Variants in ZFHX3 observed in about 807,000 individuals in gnomAD.
ZFHX3 encodes zinc finger homeobox 3, also known as zinc finger homeobox protein 3.
ZFHX3 carries 42 observed loss-of-function variants against 279.1 expected under a neutral mutation model. The ratio of observed to expected loss-of-function variants is 0.15; its 90% CI spans 0.12 to 0.19. The LOEUF is 0.19. Ranked by LOEUF, ZFHX3 falls within the 10% of genes least tolerant of loss-of-function variation. The pLI is 1.00. For synonymous variants in ZFHX3, 2,293 were observed against 1,957.8 expected (o/e 1.17, Z -4.52); for missense variants, 4,981 against 4,754.0 (o/e 1.05, Z -1.40).
At chr16:73,506,518 T>C (rs1055912845) in intron 2 of ZFHX3, among the ~76,000 whole-genome samples, 5 of 152,162 alleles carry the variant, frequency 3.3e-5, no homozygotes, top group African/African-American at 7.2e-5. Context: ...ACAAAGTTCA[T>C]GTATATTAGC....
chr16:73,057,630 C>T (rs550663711), intron 1 of ZFHX3, among the ~76,000 whole-genome samples: 2 of 151,896 alleles, frequency 1.3e-5, no homozygotes, highest in East Asian at 3.9e-4. Flanking sequence ...AGAAGGCCGG[C>T]CGGGCGAGGT....
At chr16:72,945,632 A>G (rs1960627405) in intron 3 of ZFHX3, among the ~76,000 whole-genome samples, 1 of 152,188 alleles carries the variant, frequency 6.6e-6, no homozygotes, top group Non-Finnish European at 1.5e-5. Context: ...GCATCAAGGT[A>G]GGGAGAGAAG....
chr16:73,029,653 C>T (rs1964624705), intron 1 of ZFHX3, among the ~76,000 whole-genome samples: 2 of 152,168 alleles, frequency 1.3e-5, no homozygotes, highest in Admixed American at 6.5e-5. Flanking sequence ...AAGAGCTTAT[C>T]GGACAAACGA....
At chr16:73,842,788 C>A (rs1057329011) in intron 1 of ZFHX3, among the ~76,000 whole-genome samples, 4 of 152,180 alleles carry the variant, frequency 2.6e-5, no homozygotes, top group East Asian at 1.9e-4. Flanking sequence ...AGGGTAGATA[C>A]CCGACTTTGT....
chr16:73,598,583 A>G (rs1018756961), intron 2 of ZFHX3, among the ~76,000 whole-genome samples: 1 of 151,464 alleles, frequency 6.6e-6, no homozygotes, highest in Admixed American at 6.6e-5. Context: ...ACGCCCGACC[A>G]ATTTTTAAAA....
At chr16:73,795,130 C>G (rs1959953849) in intron 1 of ZFHX3, among the ~76,000 whole-genome samples, 1 of 152,168 alleles carries the variant, frequency 6.6e-6, no homozygotes, top group South Asian at 2.1e-4. Context: ...GCCAAAGGAG[C>G]AGTAGTACAC....
chr16:72,872,033 C>T (rs1033378561), intron 4 of ZFHX3, among the ~76,000 whole-genome samples: 8 of 151,750 alleles, frequency 5.3e-5, no homozygotes, highest in Non-Finnish European at 8.8e-5. Flanking sequence ...TGCAGTTAGC[C>T]GAGATCCTGC....
chr16:72,972,156 G>C (rs1962134112), intron 1 of ZFHX3, among the ~76,000 whole-genome samples: 1 of 152,148 alleles, frequency 6.6e-6, no homozygotes, highest in Non-Finnish European at 1.5e-5. Context: ...GCCACCTAAA[G>C]TGCTGGGATT....
Position 73,334,818 on chromosome 16 carries a change from T to C in ZFHX3, c.-1290-16482A>G, listed in dbSNP as rs1265110268. On this transcript the variant is annotated intron_variant, in intron 3 of 17. Transcript: ENST00000641206. The stretch of plus-strand genomic sequence containing the variant: ...TCCTTTTCTTTCTCATTCTTTTTTT[T>C]TTTTTTTTTTTTTTTTTTGCAAAAT... Among the ~76,000 whole-genome samples, 20 of 135,518 alleles carry C rather than the reference T, an allele frequency of 1.5e-4. No individual in the cohort carries two copies. The East Asian group carries it at 2.5e-3, about 17-fold the overall frequency. The allele number at this position is 135,518 out of a possible 152,430, so 88.9% of individuals were successfully genotyped here.
chr16:73,516,080 T>C (rs1218000547), intron 2 of ZFHX3, among the ~76,000 whole-genome samples: 1 of 152,232 alleles, frequency 6.6e-6, no homozygotes, highest in African/African-American at 2.4e-5. Context: ...CCATCATCAT[T>C]GAACACTGAC....
intron 1 of ZFHX3, among the ~76,000 whole-genome samples, chr16:72,970,958 A>G (rs1962080197): frequency 6.6e-6 from 1 of 152,198 alleles, no homozygotes; most frequent in South Asian, 2.1e-4. Flanking sequence ...TTGGATATGT[A>G]CAAAAAGACT....
intron 1 of ZFHX3, among the ~76,000 whole-genome samples, chr16:72,971,846 C>T (rs1034567252): frequency 2.7e-5 from 4 of 150,796 alleles, no homozygotes; most frequent in African/African-American, 9.8e-5. Context: ...TATTTACTGG[C>T]AGTCTACATT....
intron 3 of ZFHX3, among the ~76,000 whole-genome samples, chr16:73,354,427 C>A (rs1263009977): frequency 1.3e-5 from 2 of 152,164 alleles, no homozygotes; most frequent in East Asian, 3.9e-4. Context: ...GTTTTAAGTG[C>A]CCGAGTAGAA....
chr16:73,259,803 G>A (rs1194232672), intron 4 of ZFHX3, among the ~76,000 whole-genome samples: 3 of 152,170 alleles, frequency 2.0e-5, no homozygotes, highest in Non-Finnish European at 2.9e-5. Context: ...TATATTATAT[G>A]CACACGCATT....
At chr16:73,040,887 A>G (rs1965086206) in intron 1 of ZFHX3, among the ~76,000 whole-genome samples, 1 of 152,240 alleles carries the variant, frequency 6.6e-6, no homozygotes, top group Non-Finnish European at 1.5e-5. Flanking sequence ...TTTACAGACG[A>G]AAGAAGTGAG....
intron 2 of ZFHX3, among the ~76,000 whole-genome samples, chr16:73,475,435 TA>T (rs978051089): frequency 6.6e-6 from 1 of 152,168 alleles, no homozygotes; most frequent in African/African-American, 2.4e-5. Flanking sequence ...GCATGTATTT[TA>T]TTTTTTTGTC....
intron 5 of ZFHX3, among the ~76,000 whole-genome samples, chr16:73,228,214 C>T (rs1216210450): frequency 2.6e-5 from 4 of 152,136 alleles, no homozygotes; most frequent in Non-Finnish European, 5.9e-5. Flanking sequence ...TTTTGCAGGC[C>T]TTATGTGCTT....
intron 3 of ZFHX3, among the ~76,000 whole-genome samples, chr16:73,324,238 G>T (rs181226105): frequency 4.6e-5 from 7 of 152,018 alleles, no homozygotes; most frequent in African/African-American, 1.7e-4. Context: ...TTGCTGGATT[G>T]TTTTTTTTCC....
rs116973515 is a variant in ZFHX3, at chr16:73,323,662, A to G, written c.-1290-5326T>C. Reference sequence around the variant, plus strand: ...AAAGAGACTGTACATGTCTTTGGGTAAAAGAGGAACAGCAGATAGGAAGGG... The same window carrying G: ...AAAGAGACTGTACATGTCTTTGGGTGAAAGAGGAACAGCAGATAGGAAGGG... On this transcript the variant is annotated intron_variant, in intron 3 of 17. Transcript: ENST00000641206. 7.2e-5 allele frequency among the ~76,000 whole-genome samples: 11 copies of G among 152,274 alleles called. No homozygotes were observed. In the East Asian group the frequency reaches 2.1e-3, roughly 29 times the overall value.
Sources: gnomAD v4.1 joint callset for allele counts (sites outside exome capture counted in the v4.1 genomes callset) on GRCh38, gnomAD v4.1.1 for gene constraint, MANE v1.5 for transcripts, NCBI Gene and HGNC (gene_info 2026-07-23, HGNC 2026-07-21) for gene names.